OTOGL: variants seen among roughly 807,000 people sequenced by gnomAD.
OTOGL encodes otogelin like.
OTOGL carries 285 observed loss-of-function variants against 318.5 expected under a neutral mutation model. That is an observed-to-expected ratio of 0.89 (90% CI 0.81 to 0.99). The LOEUF is 0.99. OTOGL is among the 50% of genes least tolerant of loss of function. The probability of loss-of-function intolerance (pLI) is 0.00; values close to 1 mark genes in which losing one functional copy is unlikely to be tolerated. For missense variants in OTOGL, 2,899 were observed against 2,845.6 expected (o/e 1.02, Z -0.43); for synonymous variants, 987 against 936.5 (o/e 1.05, Z -0.99).
intron 27 of OTOGL, among the ~76,000 whole-genome samples, chr12:80,301,935 T>G (rs769368168): frequency 6.6e-6 from 1 of 152,230 alleles, no homozygotes; most frequent in Non-Finnish European, 1.5e-5. Flanking sequence ...GTTTTGCAGT[T>G]TAATGTGCAG....
chr12:80,349,230 G>T (rs1889390374), intron 44 of OTOGL, among the ~76,000 whole-genome samples: 1 of 152,152 alleles, frequency 6.6e-6, no homozygotes, highest in Admixed American at 6.5e-5. Context: ...AGAGTTATTA[G>T]TATATGGATT....
intron 1 of OTOGL, among the ~76,000 whole-genome samples, chr12:80,150,557 A>T (rs1042668035): frequency 6.6e-6 from 1 of 152,020 alleles, no homozygotes; most frequent in Admixed American, 6.5e-5. Flanking sequence ...ACAAATCTAC[A>T]ATTACTGGAG....
At chr12:80,318,319 A>G (rs1887100508) in intron 32 of OTOGL, among the ~76,000 whole-genome samples, 1 of 152,174 alleles carries the variant, frequency 6.6e-6, no homozygotes, top group Admixed American at 6.6e-5. Context: ...GAAACAACTG[A>G]TCACGTGTAT....
At chr12:80,167,968 CCT>C (rs2137208727) in intron 1 of OTOGL, among the ~76,000 whole-genome samples, 1 of 151,686 alleles carries the variant, frequency 6.6e-6, no homozygotes, top group Admixed American at 6.6e-5. Flanking sequence ...CCTCTCCTCT[CCT>C]CTCCTCTCTT....
intron 3 of OTOGL, 132 bp downstream of exon 3, chr12:80,211,018 T>TA (rs1323075405): frequency 3.1e-5 from 16 of 509,936 alleles, no homozygotes; most frequent in African/African-American, 2.6e-4. Flanking sequence ...AAATATACTT[T>TA]AAAAAACATT....
intron 1 of OTOGL, among the ~76,000 whole-genome samples, chr12:80,129,516 A>G (rs1207436375): frequency 1.3e-5 from 2 of 152,232 alleles, no homozygotes; most frequent in Non-Finnish European, 1.5e-5. Context: ...ATCAACTAAT[A>G]CTACTAAGAA....
intron 1 of OTOGL, among the ~76,000 whole-genome samples, chr12:80,102,086 A>G (rs969068215): frequency 6.6e-6 from 1 of 152,128 alleles, no homozygotes; most frequent in Non-Finnish European, 1.5e-5. Flanking sequence ...TGATAAATCC[A>G]CTCAAACTCA....
In OTOGL at chr12:80,201,795, C is replaced by T. The variant is rs544495404; in HGVS notation, c.-19-7618C>T. Among the ~76,000 whole-genome samples the T allele has an allele frequency of 3.3e-5, 5 of 152,224 alleles. 1 individual carries two copies. In the Middle Eastern group the frequency reaches 0.014, roughly 414 times the overall value. ...GTCAGTTGGCCAATTCAAACATCAA[C>T]AAGCAGGGAAAATATAATTTTTCTA... On this transcript the variant is annotated intron_variant, in intron 1 of 58. Transcript: ENST00000547103.
At chr12:80,138,067 A>T (rs1282615658) in intron 1 of OTOGL, among the ~76,000 whole-genome samples, 3 of 152,208 alleles carry the variant, frequency 2.0e-5, no homozygotes, top group East Asian at 3.8e-4. Flanking sequence ...CTTCTCAGAG[A>T]TGGTATAATT....
At chr12:80,147,899 A>G (rs1175407606) in intron 1 of OTOGL, among the ~76,000 whole-genome samples, 3 of 151,526 alleles carry the variant, frequency 2.0e-5, no homozygotes, top group Non-Finnish European at 4.4e-5. Flanking sequence ...TTTGTTCTCC[A>G]TTTGCTTGGT....
chr12:80,340,982 TATTTAC>T (rs1178601663), intron 43 of OTOGL, among the ~76,000 whole-genome samples: 1 of 151,380 alleles, frequency 6.6e-6, no homozygotes, highest in African/African-American at 2.4e-5. Context: ...GTACCCTGTG[TATTTAC>T]AAAGGTGAGG....
intron 27 of OTOGL, among the ~76,000 whole-genome samples, chr12:80,297,626 T>C (rs1029441156): frequency 5.3e-5 from 8 of 152,118 alleles, no homozygotes; most frequent in Non-Finnish European, 8.8e-5. Context: ...AGCCACCGTG[T>C]CCAGCCTTGT....
chr12:80,258,423 T>C (rs1490223102), intron 18 of OTOGL, among the ~76,000 whole-genome samples: 1 of 152,150 alleles, frequency 6.6e-6, no homozygotes, highest in Non-Finnish European at 1.5e-5. Flanking sequence ...TTAGTGGTAG[T>C]AAATACTCTA....
At chr12:80,182,463 C>A (rs1874991551) in intron 1 of OTOGL, among the ~76,000 whole-genome samples, 1 of 152,120 alleles carries the variant, frequency 6.6e-6, no homozygotes, top group Non-Finnish European at 1.5e-5. Context: ...CATGATTATA[C>A]TAAACCAAGG....
chr12:80,139,444 C>G (rs1022266749), intron 1 of OTOGL, among the ~76,000 whole-genome samples: 4 of 152,158 alleles, frequency 2.6e-5, no homozygotes, highest in African/African-American at 4.8e-5. Context: ...TTCCATGGCA[C>G]AACTTCATTT....
At chr12:80,309,717 G>A (rs940133939) in intron 29 of OTOGL, among the ~76,000 whole-genome samples, 1 of 152,280 alleles carries the variant, frequency 6.6e-6, no homozygotes, top group East Asian at 1.9e-4. Context: ...TCCTGAGGCA[G>A]GGCAAAGAGG....
chr12:80,368,514 T>A (rs1890693373), intron 55 of OTOGL, among the ~76,000 whole-genome samples: 3 of 152,062 alleles, frequency 2.0e-5, no homozygotes, highest in Admixed American at 2.0e-4. Context: ...AACTTGTGAC[T>A]CAAACTTATT....
chr12:80,347,491 A>G (rs565396723), intron 44 of OTOGL, among the ~76,000 whole-genome samples: 9 of 152,250 alleles, frequency 5.9e-5, no homozygotes, highest in Non-Finnish European at 1.3e-4. Context: ...TTATGGCTGC[A>G]TAGTATTCCA....
At position 80,380,377 on chromosome 12, in the gene OTOGL, C is replaced by G. The variant is rs985117156; in HGVS notation, c.*2329C>G. ...ATTTGTGACATATCAGTGACACAGTCTAATCCTCCTGTATGTAAAGAACTC... is the reference window on the plus strand; with the variant it reads ...ATTTGTGACATATCAGTGACACAGTGTAATCCTCCTGTATGTAAAGAACTC... On this transcript the variant is annotated 3_prime_UTR_variant, in exon 59 of 59. Transcript: ENST00000547103. 10 of 151,696 alleles carry G rather than the reference C, an allele frequency of 6.6e-5. No individual in the cohort carries two copies. Among genetic ancestry groups the G allele is most frequent in the South Asian group, 2.1e-4 (1 of 4,792 alleles). 9.4% of individuals were successfully genotyped at this position (151,696 alleles called of 1,614,324 possible). A position where few individuals can be genotyped will look rare whatever the true frequency, so the allele number is the denominator to read the frequency against.
Sources: gnomAD v4.1 joint callset for allele counts (sites outside exome capture counted in the v4.1 genomes callset) on GRCh38, gnomAD v4.1.1 for gene constraint, MANE v1.5 for transcripts, NCBI Gene and HGNC (gene_info 2026-07-23, HGNC 2026-07-21) for gene names.